The following RAI1 variants were observed in gnomAD, a reference collection of about 807,000 sequenced individuals.
The protein encoded by RAI1 is retinoic acid-induced protein 1.
In RAI1, 9 loss-of-function variants were observed where a neutral mutation model predicts 123.8. The observed-to-expected ratio is 0.07, with a 90% CI of 0.04 to 0.13. RAI1 has a LOEUF of 0.13. RAI1 is among the 10% of genes least tolerant of loss of function. RAI1 has a pLI of 1.00. For missense variants in RAI1, 2,256 were observed against 2,545.8 expected, an observed-to-expected ratio of 0.89 and a Z score of 2.45; for synonymous variants, 1,231 against 1,127.3, an observed-to-expected ratio of 1.09 and a Z score of -1.84.
Position 17,807,649 on chromosome 17 carries a change from C to G in RAI1, c.5660-1741C>G, listed in dbSNP as rs183961827. Among the ~76,000 whole-genome samples the G allele has an allele frequency of 3.4e-3, 525 of 152,344 alleles. 2 individuals carry two copies. The highest frequency in any genetic ancestry group is 6.6e-3 in the Admixed American group (101 of 15,306). ...TTGCCCAGTGACTCCCGCCCCGTGC[C>G]CCATGTGGGGTGGTGCTGGGGCAGT... On this transcript the variant is annotated intron_variant, in intron 4 of 5. Transcript: ENST00000353383.
chr17:17,699,679 T>TCATTTCC (rs1332732066), intron 1 of RAI1, among the ~76,000 whole-genome samples: 2 of 152,016 alleles, frequency 1.3e-5, no homozygotes, highest in Non-Finnish European at 2.9e-5. Context: ...TTGAGTGACT[T>TCATTTCC]CATTTCCAAT....
intron 2 of RAI1, among the ~76,000 whole-genome samples, chr17:17,752,574 T>G (rs1434161451): frequency 1.3e-5 from 2 of 152,114 alleles, no homozygotes; most frequent in East Asian, 3.9e-4. Context: ...GTCCGTAGTT[T>G]TTCTTGGCCC....
At chr17:17,709,730 G>C (rs1051437605) in intron 1 of RAI1, among the ~76,000 whole-genome samples, 2 of 152,236 alleles carry the variant, frequency 1.3e-5, no homozygotes, top group East Asian at 3.9e-4. Flanking sequence ...CAGGGCCACT[G>C]TCTGTGCCGG....
Position 17,731,275 on chromosome 17 carries a change from A to C in RAI1, c.-17+7116A>C, listed in dbSNP as rs1411434668. On this transcript the variant is annotated intron_variant, in intron 2 of 5. Transcript: ENST00000353383. ...GTTTCATTCCCTTCAGTCCTTCCAC[A>C]GTGTCTGCTGATGGCGCCAAGGTTC... Among the ~76,000 whole-genome samples the C allele has an allele frequency of 2.6e-5, 4 of 152,178 alleles. No individual in the cohort carries two copies. In the East Asian group the frequency reaches 7.7e-4, roughly 29 times the overall value.
intron 2 of RAI1, among the ~76,000 whole-genome samples, chr17:17,758,745 C>T (rs1287711721): frequency 1.3e-5 from 2 of 152,194 alleles, no homozygotes; most frequent in Admixed American, 1.3e-4. Context: ...ATACTCAGGG[C>T]GGTGAGGATA....
intron 2 of RAI1, among the ~76,000 whole-genome samples, chr17:17,761,834 C>T (rs541266429): frequency 2.6e-5 from 4 of 152,024 alleles, no homozygotes; most frequent in Middle Eastern, 3.4e-3. Flanking sequence ...GAGCAGGGAA[C>T]ACAGTTGAGT....
intron 2 of RAI1, among the ~76,000 whole-genome samples, chr17:17,755,579 G>A (rs2030406229): frequency 6.6e-6 from 1 of 152,174 alleles, no homozygotes; most frequent in African/African-American, 2.4e-5. Context: ...TTCTCCAGCA[G>A]AGACCCTTAG....
chr17:17,715,848 C>A (rs1055370289), intron 1 of RAI1, among the ~76,000 whole-genome samples: 1 of 152,206 alleles, frequency 6.6e-6, no homozygotes, highest in African/African-American at 2.4e-5. Flanking sequence ...GGCCAAGTTG[C>A]CCCTGGGAAT....
chr17:17,745,219 A>T (rs1381599590), intron 2 of RAI1, among the ~76,000 whole-genome samples: 2 of 152,006 alleles, frequency 1.3e-5, no homozygotes, highest in East Asian at 3.9e-4. Flanking sequence ...AGAAGAAAGG[A>T]GAGGGAAAAG....
chr17:17,721,200 G>C (rs1003054507), intron 1 of RAI1, among the ~76,000 whole-genome samples: 3 of 152,176 alleles, frequency 2.0e-5, no homozygotes, highest in African/African-American at 4.8e-5. Flanking sequence ...CAGGGGAACT[G>C]TTGGCTCAAA....
chr17:17,737,242 G>A (rs564307683), intron 2 of RAI1, among the ~76,000 whole-genome samples: 7 of 152,206 alleles, frequency 4.6e-5, no homozygotes, highest in Admixed American at 3.9e-4. Context: ...TCATAGCTCA[G>A]CCTGGCTGTT....
chr17:17,691,642 CG>C (rs1270704213), intron 1 of RAI1, among the ~76,000 whole-genome samples: 1 of 151,994 alleles, frequency 6.6e-6, no homozygotes, highest in African/African-American at 2.4e-5. Context: ...GGTGTGTGCC[CG>C]GGGAGAAGTC....
chr17:17,692,019 G>A (rs1161262083), intron 1 of RAI1, among the ~76,000 whole-genome samples: 3 of 152,202 alleles, frequency 2.0e-5, no homozygotes, highest in African/African-American at 4.8e-5. Context: ...TCCCCACCGT[G>A]GCCCGAAATA....
chr17:17,719,948 A>G (rs1915824513), intron 1 of RAI1, among the ~76,000 whole-genome samples: 1 of 152,206 alleles, frequency 6.6e-6, no homozygotes. Context: ...TCAGGCCTGC[A>G]GGCTTCCAGC....
At position 17,809,528 on chromosome 17, in the gene RAI1, C is replaced by G. The variant is rs1221308589; in HGVS notation, c.5709+89C>G. On this transcript the variant is annotated intron_variant, in intron 5 of 5. Transcript: ENST00000353383. This position sits in a 1 kb window ranked among gnomAD's most constrained non-coding sequence, Gnocchi z 4.9. ...CCTCCTTCACAGTCCCCTGGGCCCC[C>G]TTGGCTGCGCAGCCCCGCAGGGCCC... is the stretch of plus-strand genomic sequence containing the variant. 1.4e-6 allele frequency: 2 copies of G among 1,396,886 alleles called. No homozygotes were observed. The highest frequency in any genetic ancestry group is 1.4e-5 in the African/African-American group (1 of 70,434). The allele number at this position is 1,396,886 out of a possible 1,614,324, so 86.5% of individuals were successfully genotyped here. A position where few individuals can be genotyped will look rare whatever the true frequency, so the allele number is the denominator to read the frequency against.
At position 17,796,078 on chromosome 17, in the gene RAI1, C is replaced by A; in HGVS notation, c.3130C>A (p.Pro1044Thr). ...GGGACAGATGGAAGGGGCTGGAGCC[C>A]CAGGCCGGGGGGCCTCGGAAGGGCT... is the stretch of plus-strand genomic sequence containing the variant. ...PQGQMEGAGAPGRGASEGLPR... is the reference protein window; with the variant it reads ...PQGQMEGAGATGRGASEGLPR... Residue 1044 changes from proline to threonine, a missense_variant, in exon 3 of 6, where the codon CCA becomes ACA. Pro to Thr is a conservative substitution (Grantham distance 38, BLOSUM62 -1). Around this residue, in one of 7 missense-constraint regions of RAI1, gnomAD observed 566 missense variants for 616.0 expected, o/e 0.92. Transcript: ENST00000353383. The surrounding 1 kb of genome is among the most constrained non-coding windows in gnomAD (Gnocchi z 5.8). The A allele has an allele frequency of 6.3e-7, 1 of 1,581,240 alleles. No individual in the cohort carries two copies. The highest frequency in any genetic ancestry group is 2.3e-5 in the East Asian group (1 of 43,274).
chr17:17,743,586 A>G (rs563364775), intron 2 of RAI1, among the ~76,000 whole-genome samples: 18 of 152,320 alleles, frequency 1.2e-4, no homozygotes, highest in Admixed American at 3.3e-4. Flanking sequence ...ACTCCAGGAC[A>G]TGTGCGCAGC....
At position 17,780,485 on chromosome 17, in the gene RAI1, C is replaced by T. The variant is rs575350518; in HGVS notation, c.-16-12448C>T. On this transcript the variant is annotated intron_variant, in intron 2 of 5. Coordinates refer to ENST00000353383, the MANE Select transcript of RAI1 (RefSeq NM_030665.4). ...GTATCCTGTATTCACCAAAGCCCCA[C>T]GGGCATCTCCCCGATTGAGGTCCCA... 6.6e-5 allele frequency among the ~76,000 whole-genome samples: 10 copies of T among 152,248 alleles called. No homozygotes were observed. In the South Asian group the frequency reaches 1.9e-3, roughly 28 times the overall value.
intron 2 of RAI1, among the ~76,000 whole-genome samples, chr17:17,785,759 C>T (rs930197238): frequency 2.0e-5 from 3 of 152,168 alleles, no homozygotes; most frequent in Admixed American, 1.3e-4. Context: ...TTTCTGCTCT[C>T]CTGCGTTGCT....
Sources: gnomAD v4.1 joint callset for allele counts (sites outside exome capture counted in the v4.1 genomes callset) on GRCh38, gnomAD v4.1.1 for gene constraint, gnomAD v4.1.1 regional missense constraint, Gnocchi (gnomAD v3.1) non-coding constraint, MANE v1.5 for transcripts, NCBI Gene and HGNC (gene_info 2026-07-23, HGNC 2026-07-21) for gene names.